Variants in LNX1 observed in about 807,000 individuals in gnomAD.
The protein encoded by LNX1 is E3 ubiquitin-protein ligase LNX.
A neutral mutation model predicts 68.4 loss-of-function variants in LNX1; 54 were observed. The ratio of observed to expected loss-of-function variants is 0.79; its 90% CI spans 0.63 to 0.99. LNX1 has a LOEUF of 0.99. Among genes scored for constraint, LNX1 ranks in the 50% least tolerant of loss-of-function variants. The pLI, the probability that LNX1 is intolerant of heterozygous loss-of-function variation, is 0.00. For missense variants in LNX1, 906 were observed against 926.4 expected (o/e 0.98, Z 0.29); for synonymous variants, 336 against 350.0 (o/e 0.96, Z 0.45).
intron 1 of LNX1, chr4:53,576,409 T>G: frequency 6.6e-7 from 1 of 1,524,540 alleles, no homozygotes; most frequent in African/African-American, 1.4e-5. Context: ...ACCAGTCCTA[T>G]TCAGGTCAGG....
At chr4:53,504,800 G>A (rs561866121) in intron 4 of LNX1, among the ~76,000 whole-genome samples, 2 of 152,310 alleles carry the variant, frequency 1.3e-5, no homozygotes, top group South Asian at 4.1e-4. Flanking sequence ...GGCCCAAGAA[G>A]AGAGACATGG....
intron 6 of LNX1, 49 bp downstream of exon 6, chr4:53,495,974 C>T (rs1180766848): frequency 6.4e-7 from 1 of 1,572,376 alleles, no homozygotes; most frequent in Non-Finnish European, 8.6e-7. Context: ...TGCATTCTTG[C>T]TCATGTCCGG....
At chr4:53,545,060 A>T (rs1729014520) in intron 2 of LNX1, among the ~76,000 whole-genome samples, 1 of 152,244 alleles carries the variant, frequency 6.6e-6, no homozygotes, top group African/African-American at 2.4e-5. Context: ...CTAAGAGGGA[A>T]GGATTATTCC....
chr4:53,581,272 A>G (rs1284024796), intron 1 of LNX1, among the ~76,000 whole-genome samples: 3 of 152,212 alleles, frequency 2.0e-5, no homozygotes, highest in African/African-American at 7.2e-5. Context: ...TCATTAAGGA[A>G]GTTGAAAAAT....
At chr4:53,558,009 G>C (rs577821606) in intron 2 of LNX1, 164 of 1,610,584 alleles carry the variant, frequency 1.0e-4, no homozygotes, top group Admixed American at 4.0e-4. Flanking sequence ...CCTTCTGTCA[G>C]CTACAAGGGC....
chr4:53,610,263 G>T (rs1336630661), intron 2 of LNX1, among the ~76,000 whole-genome samples: 2 of 151,758 alleles, frequency 1.3e-5, no homozygotes, highest in African/African-American at 2.4e-5. Flanking sequence ...ATTATCAAAA[G>T]GTAACAAAAA....
intron 2 of LNX1, among the ~76,000 whole-genome samples, chr4:53,542,370 C>T (rs759993330): frequency 2.0e-5 from 3 of 152,182 alleles, no homozygotes; most frequent in Non-Finnish European, 4.4e-5. Context: ...GAGCTGAATG[C>T]GCAGTGTCTT....
chr4:53,556,180 G>C (rs535985258), intron 2 of LNX1, among the ~76,000 whole-genome samples: 9 of 152,280 alleles, frequency 5.9e-5, no homozygotes, highest in African/African-American at 2.2e-4. Flanking sequence ...AAGGCAAAGA[G>C]AATTGAAGAG....
At position 53,460,716 on chromosome 4, in the gene LNX1, AC is replaced by A; in HGVS notation, c.*190del. 1 of 550,194 alleles carries A rather than the reference AC, an allele frequency of 1.8e-6. No homozygotes were observed. The highest frequency in any genetic ancestry group is 2.0e-5 in the African/African-American group (1 of 50,442). 34.1% of individuals were successfully genotyped at this position (550,194 alleles called of 1,614,324 possible). A position where few individuals can be genotyped will look rare whatever the true frequency, so the allele number is the denominator to read the frequency against. On this transcript the variant is annotated 3_prime_UTR_variant, in exon 11 of 11. Coordinates refer to ENST00000263925, the MANE Select transcript of LNX1 (RefSeq NM_001126328.3). ...GAGAAATCCTCCACACTGAAAAAAA[AC>A]TAGTAGTTTTAATTTTTTTGGAATC...
chr4:53,520,496 G>A (rs79909585), intron 2 of LNX1, among the ~76,000 whole-genome samples: 6,179 of 152,240 alleles, frequency 0.041, 260 homozygotes, highest in East Asian at 0.24. Context: ...GGGTCACCGA[G>A]TTCATTTCCT....
Position 53,476,775 on chromosome 4 carries a change from C to T in LNX1, c.1870G>A (p.Val624Ile). The T allele has an allele frequency of 6.2e-7, 1 of 1,614,096 alleles. No homozygotes were observed. Among genetic ancestry groups the T allele is most frequent in the East Asian group, 2.2e-5 (1 of 44,872 alleles). ...APPSDWSPSW[V>I]MWLELPRCLY... ...TACCGTGGTAATTCCAGCCACATGA[C>T]CCAGGATGGGGACCAGTCACTGGGT... is the stretch of plus-strand genomic sequence containing the variant. The change falls in exon 9 of 11, where the codon GTC (valine) becomes ATC (isoleucine). Residue 624 changes from valine to isoleucine, a missense_variant. Physicochemically the swap from Val to Ile is conservative, Grantham distance 29. Coordinates refer to ENST00000263925, the MANE Select transcript of LNX1 (RefSeq NM_001126328.3).
chr4:53,566,732 G>C (rs1163613883), intron 2 of LNX1, among the ~76,000 whole-genome samples: 1 of 151,770 alleles, frequency 6.6e-6, no homozygotes, highest in Non-Finnish European at 1.5e-5. Flanking sequence ...AGACCCATCA[G>C]TGTGCTGTAT....
At chr4:53,604,311 AG>A (rs1363770870) in intron 2 of LNX1, among the ~76,000 whole-genome samples, 1 of 152,228 alleles carries the variant, frequency 6.6e-6, no homozygotes, top group Admixed American at 6.5e-5. Context: ...AGAATGTTTG[AG>A]TTAAAAATGA....
At chr4:53,499,612 A>G (rs180981063) in intron 4 of LNX1, among the ~76,000 whole-genome samples, 8 of 152,346 alleles carry the variant, frequency 5.3e-5, no homozygotes, top group African/African-American at 1.9e-4. Context: ...TTTTTAATGG[A>G]ATGAATTGCA....
chr4:53,576,776 T>C (rs1203882163), intron 1 of LNX1, among the ~76,000 whole-genome samples: 4 of 152,202 alleles, frequency 2.6e-5, no homozygotes, highest in African/African-American at 9.7e-5. Flanking sequence ...ATTAGCCACA[T>C]TTGGAAACAG....
At chr4:53,582,259 A>G (rs889237663) in intron 1 of LNX1, among the ~76,000 whole-genome samples, 2 of 152,212 alleles carry the variant, frequency 1.3e-5, no homozygotes, top group Non-Finnish European at 2.9e-5. Flanking sequence ...CCAAGGTCAG[A>G]ATTGATTGTT....
intron 6 of LNX1, 110 bp downstream of exon 6, chr4:53,495,913 G>C: frequency 7.9e-7 from 1 of 1,267,894 alleles, no homozygotes; most frequent in Non-Finnish European, 1.1e-6. Context: ...TTGAAAGGGA[G>C]GCACTGCATG....
chr4:53,640,761 G>C (rs1734648547), intron 1 of LNX1, among the ~76,000 whole-genome samples: 1 of 152,156 alleles, frequency 6.6e-6, no homozygotes, highest in Admixed American at 6.5e-5. Context: ...TAGGTCTGGA[G>C]GGCCTTTGAA....
At chr4:53,650,680 C>A (rs1435558820) in intron 1 of LNX1, among the ~76,000 whole-genome samples, 1 of 152,098 alleles carries the variant, frequency 6.6e-6, no homozygotes, top group East Asian at 1.9e-4. Context: ...ACATATAGGG[C>A]CTCTGCTGTG....
Sources: allele counts gnomAD v4.1 joint callset (sites outside exome capture counted in the v4.1 genomes callset), GRCh38; gene constraint gnomAD v4.1.1; transcripts MANE v1.5; gene names NCBI Gene and HGNC (gene_info 2026-07-23, HGNC 2026-07-21).